CD55: variants seen among roughly 807,000 people sequenced by gnomAD.
The protein encoded by CD55 is CD55 molecule (Cromer blood group).
A neutral mutation model predicts 45.8 loss-of-function variants in CD55; 41 were observed. The ratio of observed to expected loss-of-function variants is 0.90; its 90% CI spans 0.70 to 1.16. CD55 has a LOEUF of 1.16. Among genes scored for constraint, CD55 ranks in the 50% most tolerant of loss-of-function variants. The pLI is 0.00. For missense variants in CD55, 416 were observed against 469.8 expected, an observed-to-expected ratio of 0.89 and a Z score of 1.06; for synonymous variants, 181 against 181.1, an observed-to-expected ratio of 1.00 and a Z score of 0.01.
At position 207,359,701 on chromosome 1, in the gene CD55, A is replaced by G. The variant is rs28371653; in HGVS notation, c.*91A>G. On this transcript the variant is annotated 3_prime_UTR_variant, in exon 10 of 10. Transcript: ENST00000367064. ...CTGCATATTGGATAAAATAAATGCAATTGTGCTCTTCATTTAGGATGCTTT... is the reference window on the plus strand; with the variant it reads ...CTGCATATTGGATAAAATAAATGCAGTTGTGCTCTTCATTTAGGATGCTTT... The G allele has an allele frequency of 2.8e-3, 4,183 of 1,469,520 alleles. 111 individuals are homozygous for G. In the African/African-American group the frequency reaches 0.052, roughly 18 times the overall value. The allele number at this position is 1,469,520 out of a possible 1,614,324, so 91.0% of individuals were successfully genotyped here. A position where few individuals can be genotyped will look rare whatever the true frequency, so the allele number is the denominator to read the frequency against.
intron 9 of CD55, among the ~76,000 whole-genome samples, chr1:207,341,518 T>C (rs1399768599): frequency 6.6e-6 from 1 of 152,198 alleles, no homozygotes; most frequent in African/African-American, 2.4e-5. Context: ...GTATCCATTT[T>C]CCAATGTATG....
intron 5 of CD55, among the ~76,000 whole-genome samples, chr1:207,328,234 C>G (rs1349990281): frequency 1.3e-5 from 2 of 152,218 alleles, no homozygotes; most frequent in Non-Finnish European, 2.9e-5. Context: ...TCTATCCTCT[C>G]TGTGACTCAG....
In CD55 at chr1:207,360,618, A is replaced by T. The variant is rs1258485090; in HGVS notation, c.*1008A>T. On this transcript the variant is annotated 3_prime_UTR_variant, in exon 10 of 10. Coordinates refer to ENST00000367064, the MANE Select transcript of CD55 (RefSeq NM_000574.5). ...GCCATGCCTTGGTTGTCCTAGTGTG[A>T]ATAATTTTCAGCTACTTTAAAATTA... 6.6e-6 allele frequency: 1 copy of T among 152,262 alleles called. No individual in the cohort carries two copies. The highest frequency in any genetic ancestry group is 2.1e-4 in the South Asian group (1 of 4,830). The allele number at this position is 152,262 out of a possible 1,614,324, so 9.4% of individuals were successfully genotyped here.
intron 8 of CD55, among the ~76,000 whole-genome samples, chr1:207,338,031 G>A (rs1245277595): frequency 6.6e-6 from 1 of 152,124 alleles, no homozygotes; most frequent in Non-Finnish European, 1.5e-5. Flanking sequence ...TTGTTACCTT[G>A]AAGCCTATTT....
Position 207,359,589 on chromosome 1 carries a change from A to G in CD55, c.1125A>G (p.Val375=). The G allele has an allele frequency of 6.3e-7, 1 of 1,594,408 alleles. No homozygotes were observed. Among genetic ancestry groups the G allele is most frequent in the Non-Finnish European group, 8.5e-7 (1 of 1,172,282 alleles). ...FTLTGLLGTL[V]TMGLLT ...TGACAGGTTTGCTTGGGACGCTAGTAACCATGGGCTTGCTGACTTAGCCAA... is the reference window on the plus strand; with the variant it reads ...TGACAGGTTTGCTTGGGACGCTAGTGACCATGGGCTTGCTGACTTAGCCAA... Residue 375 remains valine (V), a synonymous_variant, in exon 10 of 10, where the codon GTA becomes GTG. Coordinates refer to ENST00000367064, the MANE Select transcript of CD55 (RefSeq NM_000574.5).
At chr1:207,343,130 C>CA (rs746099461) in intron 9 of CD55, among the ~76,000 whole-genome samples, 2 of 151,706 alleles carry the variant, frequency 1.3e-5, no homozygotes, top group African/African-American at 2.4e-5. Flanking sequence ...TTTATCTTTT[C>CA]AAAAAAACAA....
intron 9 of CD55, among the ~76,000 whole-genome samples, chr1:207,343,371 C>T (rs1655509923): frequency 6.6e-6 from 1 of 152,118 alleles, no homozygotes; most frequent in South Asian, 2.1e-4. Context: ...TTTTGCTACA[C>T]TGTTGCCATT....
intron 5 of CD55, 75 bp downstream of exon 5, chr1:207,326,912 G>A: frequency 9.5e-7 from 1 of 1,049,442 alleles, no homozygotes; most frequent in East Asian, 2.4e-5. Flanking sequence ...TGCCCCTTAA[G>A]AATATTAGCA....
At chr1:207,342,210 C>G (rs1417112531) in intron 9 of CD55, among the ~76,000 whole-genome samples, 1 of 152,002 alleles carries the variant, frequency 6.6e-6, no homozygotes, top group Non-Finnish European at 1.5e-5. Context: ...TTCCTCTATT[C>G]CAGTTTGGAT....
At chr1:207,337,556 G>A (rs1655241161) in intron 8 of CD55, 147 bp downstream of exon 8, 2 of 549,298 alleles carry the variant, frequency 3.6e-6, no homozygotes, top group Non-Finnish European at 3.3e-6. Context: ...TTATTTGGAA[G>A]CGGACTTGGA....
intron 9 of CD55, chr1:207,354,056 A>C (rs1332087797): frequency 6.5e-7 from 1 of 1,535,278 alleles, no homozygotes; most frequent in Non-Finnish European, 8.7e-7. Context: ...ACATTTCTTC[A>C]AAAAAGATGA....
chr1:207,328,118 A>G (rs768506367), intron 5 of CD55, among the ~76,000 whole-genome samples: 16 of 152,048 alleles, frequency 1.1e-4, no homozygotes, highest in Non-Finnish European at 2.1e-4. Flanking sequence ...ATGCAAACCC[A>G]CTTTATCTTC....
At chr1:207,343,789 G>A (rs1249126721) in intron 9 of CD55, among the ~76,000 whole-genome samples, 1 of 152,092 alleles carries the variant, frequency 6.6e-6, no homozygotes, top group Non-Finnish European at 1.5e-5. Flanking sequence ...TTATTGTATT[G>A]GAGTCTATCC....
chr1:207,321,941 G>A (rs1654426233), intron 1 of CD55, 76 bp downstream of exon 1: 1 of 1,081,936 alleles, frequency 9.2e-7, no homozygotes. Flanking sequence ...GACACGCACA[G>A]GGGCCGGCGA....
At chr1:207,350,611 A>G (rs1230986795) in intron 9 of CD55, among the ~76,000 whole-genome samples, 2 of 152,092 alleles carry the variant, frequency 1.3e-5, no homozygotes, top group Non-Finnish European at 2.9e-5. Context: ...AGAATTTACC[A>G]TTTCTTCTAC....
At chr1:207,339,332 T>G in intron 8 of CD55, 65 bp from the exon 9 acceptor site, 1 of 1,219,978 alleles carries the variant, frequency 8.2e-7, no homozygotes, top group Admixed American at 1.9e-5. Flanking sequence ...TATATGAAAT[T>G]GCTAGCAAAT....
chr1:207,329,633 A>G (rs1654850343), intron 5 of CD55, among the ~76,000 whole-genome samples: 1 of 151,880 alleles, frequency 6.6e-6, no homozygotes, highest in Admixed American at 6.6e-5. Context: ...TTAAATTGAG[A>G]CAGGGTCTCA....
At chr1:207,341,499 T>G (rs1388300233) in intron 9 of CD55, among the ~76,000 whole-genome samples, 1 of 152,170 alleles carries the variant, frequency 6.6e-6, no homozygotes, top group Non-Finnish European at 1.5e-5. Context: ...GCACTATTTA[T>G]TGAAGAAGGT....
intron 8 of CD55, among the ~76,000 whole-genome samples, chr1:207,338,272 C>A (rs1321348542): frequency 6.6e-6 from 1 of 152,050 alleles, no homozygotes; most frequent in Non-Finnish European, 1.5e-5. Flanking sequence ...TGTTTCATTA[C>A]CTCTTAGCAC....
Sources: allele counts gnomAD v4.1 joint callset (sites outside exome capture counted in the v4.1 genomes callset), GRCh38; gene constraint gnomAD v4.1.1; transcripts MANE v1.5; gene names NCBI Gene and HGNC (gene_info 2026-07-23, HGNC 2026-07-21).